PCDHGB6: variants seen among roughly 807,000 people sequenced by gnomAD.
PCDHGB6 encodes the protein protocadherin gamma subfamily B, 6.
In PCDHGB6, 51 loss-of-function variants were observed where a neutral mutation model predicts 59.1. The ratio of observed to expected loss-of-function variants is 0.86; its 90% CI spans 0.69 to 1.09. PCDHGB6 has a LOEUF of 1.09. PCDHGB6 is among the 50% of genes least tolerant of loss of function. The pLI is 0.00. For missense variants in PCDHGB6, 1,148 were observed against 1,205.1 expected, an observed-to-expected ratio of 0.95 and a Z score of 0.70; for synonymous variants, 466 against 495.1, an observed-to-expected ratio of 0.94 and a Z score of 0.78.
At chr5:141,427,957 C>A in intron 1 of PCDHGB6, 2 of 1,588,400 alleles carry the variant, frequency 1.3e-6, no homozygotes, top group Non-Finnish European at 1.7e-6. Flanking sequence ...GACAATGTGC[C>A]GCGGGTGCTG....
chr5:141,450,832 T>A (rs192186566), intron 1 of PCDHGB6, among the ~76,000 whole-genome samples: 5,292 of 142,276 alleles, frequency 0.037, 115 homozygotes, highest in Middle Eastern at 0.096. Flanking sequence ...TATTATTATT[T>A]TTTTTTTTTT....
chr5:141,439,172 G>A (rs1181712838), intron 1 of PCDHGB6, among the ~76,000 whole-genome samples: 1 of 147,496 alleles, frequency 6.8e-6, no homozygotes, highest in Admixed American at 6.8e-5. Context: ...CAGCCTGGGC[G>A]ACATAGTGAG....
At chr5:141,500,094 A>C (rs2099796337) in intron 2 of PCDHGB6, among the ~76,000 whole-genome samples, 1 of 151,860 alleles carries the variant, frequency 6.6e-6, no homozygotes, top group South Asian at 2.1e-4. Context: ...CCATTTTTGC[A>C]ATTTATTTGT....
chr5:141,422,605 G>A (rs2096658595), intron 1 of PCDHGB6: 1 of 1,613,898 alleles, frequency 6.2e-7, no homozygotes, highest in Non-Finnish European at 8.5e-7. Flanking sequence ...CTCTTACTCT[G>A]CCTACATTCC....
At chr5:141,509,040 C>G (rs1217864661) in intron 3 of PCDHGB6, among the ~76,000 whole-genome samples, 1 of 152,132 alleles carries the variant, frequency 6.6e-6, no homozygotes, top group Non-Finnish European at 1.5e-5. Context: ...CAACCCCTCT[C>G]CCCCGCCCCC....
chr5:141,419,777 C>T (rs976849391), intron 1 of PCDHGB6: 3 of 1,614,054 alleles, frequency 1.9e-6, no homozygotes, highest in Admixed American at 3.3e-5. Flanking sequence ...CTCGGTCCGC[C>T]AGCGCCTGCT....
At position 141,489,074 on chromosome 5, in the gene PCDHGB6, C is replaced by A; in HGVS notation, c.2419-5733C>A. On this transcript the variant is annotated intron_variant, in intron 1 of 3. Coordinates refer to ENST00000520790, the MANE Select transcript of PCDHGB6 (RefSeq NM_018926.3). The surrounding 1 kb of genome is among the most constrained non-coding windows in gnomAD (Gnocchi z 4.5). ...TTCAGCTCCCCTCCCCCCTGCCCAC[C>A]CCCGCCACTCGGTGACTAAGAACTG... 9.4e-6 allele frequency: 3 copies of A among 320,798 alleles called. No individual in the cohort carries two copies. The highest frequency in any genetic ancestry group is 1.7e-5 in the Non-Finnish European group (3 of 177,744). 19.9% of individuals were successfully genotyped at this position (320,798 alleles called of 1,614,324 possible). A position where few individuals can be genotyped will look rare whatever the true frequency, so the allele number is the denominator to read the frequency against.
intron 1 of PCDHGB6, among the ~76,000 whole-genome samples, chr5:141,468,952 G>GT (rs34870721): frequency 0.24 from 35,946 of 151,248 alleles, 4,442 homozygotes; most frequent in Admixed American, 0.32. Flanking sequence ...TAAACCTGTG[G>GT]TTTTTTTTAC....
rs1026815375 is a variant in PCDHGB6, at chr5:141,481,045, G to A, written c.2419-13762G>A. 4.6e-5 allele frequency among the ~76,000 whole-genome samples: 7 copies of A among 152,024 alleles called. No individual in the cohort carries two copies. In the South Asian group the frequency reaches 8.3e-4, roughly 18 times the overall value. ...TGCACTCCAGCCTGGGCGACAGAGCGAGACTCCACCTCAAAAACAAAAAGA... is the reference window on the plus strand; with the variant it reads ...TGCACTCCAGCCTGGGCGACAGAGCAAGACTCCACCTCAAAAACAAAAAGA... On this transcript the variant is annotated intron_variant, in intron 1 of 3. Coordinates refer to ENST00000520790, the MANE Select transcript of PCDHGB6 (RefSeq NM_018926.3).
At position 141,493,223 on chromosome 5, in the gene PCDHGB6, A is replaced by G. The variant is rs2099747083; in HGVS notation, c.2419-1584A>G. Among the ~76,000 whole-genome samples, 1 of 152,142 alleles carries G rather than the reference A, an allele frequency of 6.6e-6. No homozygotes were observed. The highest frequency in any genetic ancestry group is 6.6e-5 in the Admixed American group (1 of 15,262). On this transcript the variant is annotated intron_variant, in intron 1 of 3. Transcript: ENST00000520790. The surrounding 1 kb of genome is among the most constrained non-coding windows in gnomAD (Gnocchi z 4.3). ...CCTCATCTCATTTGCTCTTCCCACC[A>G]TTGCTGTTGGCTAGGTACTAACATG...
In PCDHGB6 at chr5:141,477,085, G is replaced by A. The variant is rs1420972762; in HGVS notation, c.2419-17722G>A. On this transcript the variant is annotated intron_variant, in intron 1 of 3. Coordinates refer to ENST00000520790, the MANE Select transcript of PCDHGB6 (RefSeq NM_018926.3). This position sits in a 1 kb window ranked among gnomAD's most constrained non-coding sequence, Gnocchi z 4.9. ...CCAAACTCCATGAGATTTACATCCAGGCCAAAGACAAGGGCGCCAATCCCG... is the reference window on the plus strand; with the variant it reads ...CCAAACTCCATGAGATTTACATCCAAGCCAAAGACAAGGGCGCCAATCCCG... 1 of 1,614,262 alleles carries A rather than the reference G, an allele frequency of 6.2e-7. No individual in the cohort carries two copies. The highest frequency in any genetic ancestry group is 1.7e-5 in the Admixed American group (1 of 60,034).
intron 1 of PCDHGB6, chr5:141,427,874 G>A: frequency 1.3e-6 from 2 of 1,560,274 alleles, no homozygotes; most frequent in South Asian, 2.2e-5. Flanking sequence ...AGCTCACGAT[G>A]CAGGCCCACG....
chr5:141,408,971 C>A lies in PCDHGB6; in HGVS notation c.769C>A (p.Pro257Thr). ...AATTAGTCTTAGTGAAAATCTGCCC[C>A]CTGGGTCCCCTGTGTTGCAAGTGAC... ...YRISLSENLPPGSPVLQVTAT... is the reference protein window; with the variant it reads ...YRISLSENLPTGSPVLQVTAT... The change falls in exon 1 of 4, where the codon CCT (proline) becomes ACT (threonine). Residue 257 changes from proline to threonine, a missense_variant. Physicochemically the swap from Pro to Thr is conservative, Grantham distance 38. Around this residue, in one of 5 missense-constraint regions of PCDHGB6, gnomAD observed 307 missense variants for 323.8 expected, o/e 0.95. Coordinates refer to ENST00000520790, the MANE Select transcript of PCDHGB6 (RefSeq NM_018926.3). The A allele has an allele frequency of 6.2e-7, 1 of 1,613,816 alleles. No homozygotes were observed. The highest frequency in any genetic ancestry group is 8.5e-7 in the Non-Finnish European group (1 of 1,179,862).
chr5:141,461,027 C>G (rs993151622), intron 1 of PCDHGB6, among the ~76,000 whole-genome samples: 2 of 150,168 alleles, frequency 1.3e-5, no homozygotes, highest in Non-Finnish European at 3.0e-5. Flanking sequence ...TTTTCTTTAT[C>G]CACTCATTAG....
chr5:141,501,453 C>T (rs567794395), intron 2 of PCDHGB6, among the ~76,000 whole-genome samples: 1 of 152,094 alleles, frequency 6.6e-6, no homozygotes, highest in Non-Finnish European at 1.5e-5. Flanking sequence ...TTTTACTTTT[C>T]ACTATTCCCC....
intron 1 of PCDHGB6, chr5:141,428,086 G>C: frequency 1.9e-6 from 3 of 1,609,122 alleles, no homozygotes; most frequent in Non-Finnish European, 1.7e-6. Context: ...CACAACGCTT[G>C]GCTGTCCTAC....
At position 141,409,955 on chromosome 5, in the gene PCDHGB6, G is replaced by A. The variant is rs946959934; in HGVS notation, c.1753G>A (p.Gly585Ser). Residue 585 changes from glycine (G) to serine (S), a missense_variant, in exon 1 of 4, where the codon GGC (glycine) becomes AGC (serine). Physicochemically the swap from Gly to Ser is moderately conservative, Grantham distance 56. Coordinates refer to ENST00000520790, the MANE Select transcript of PCDHGB6 (RefSeq NM_018926.3). Reference protein sequence around the residue: ...FDMVPRSAEPGYLVTKVVAVD... With the variant: ...FDMVPRSAEPSYLVTKVVAVD... ...TATGGTACCTCGCTCTGCAGAGCCC[G>A]GCTACCTAGTGACTAAGGTGGTAGC... is the stretch of plus-strand genomic sequence containing the variant. The A allele has an allele frequency of 2.8e-5, 45 of 1,613,234 alleles. No individual in the cohort carries two copies. The highest frequency in any genetic ancestry group is 3.6e-5 in the Non-Finnish European group (42 of 1,179,814).
intron 1 of PCDHGB6, among the ~76,000 whole-genome samples, chr5:141,425,691 T>C (rs1411905655): frequency 6.6e-6 from 1 of 152,238 alleles, no homozygotes. Context: ...TGCATATCAT[T>C]TCATAGTGGT....
Position 141,409,953 on chromosome 5 carries a change from C to T in PCDHGB6, c.1751C>T (p.Pro584Leu). The T allele has an allele frequency of 6.2e-7, 1 of 1,613,398 alleles. No individual in the cohort carries two copies. The highest frequency in any genetic ancestry group is 8.5e-7 in the Non-Finnish European group (1 of 1,179,818). Reference protein sequence around the residue: ...FFDMVPRSAEPGYLVTKVVAV... With the variant: ...FFDMVPRSAELGYLVTKVVAV... Reference sequence around the variant, plus strand: ...GATATGGTACCTCGCTCTGCAGAGCCCGGCTACCTAGTGACTAAGGTGGTA... The same window carrying T: ...GATATGGTACCTCGCTCTGCAGAGCTCGGCTACCTAGTGACTAAGGTGGTA... Residue 584 changes from proline (P) to leucine (L), a missense_variant, in exon 1 of 4, where the codon CCC (proline) becomes CTC (leucine). Physicochemically the swap from Pro to Leu is moderately conservative, Grantham distance 98. Coordinates refer to ENST00000520790, the MANE Select transcript of PCDHGB6 (RefSeq NM_018926.3).
Sources: gnomAD v4.1 joint callset for allele counts (sites outside exome capture counted in the v4.1 genomes callset) on GRCh38, gnomAD v4.1.1 for gene constraint, gnomAD v4.1.1 regional missense constraint, Gnocchi (gnomAD v3.1) non-coding constraint, MANE v1.5 for transcripts, NCBI Gene and HGNC (gene_info 2026-07-23, HGNC 2026-07-21) for gene names.